FRMD6: variants seen among roughly 807,000 people sequenced by gnomAD.
FRMD6 encodes the protein FERM domain-containing protein 6.
Under a neutral mutation model 73.2 loss-of-function variants are expected in FRMD6, and 37 were observed. The observed-to-expected ratio is 0.51, with a 90% CI of 0.39 to 0.66. The LOEUF (loss-of-function observed/expected upper bound fraction) is 0.66, where lower values mean the gene tolerates loss of function less well. Among genes scored for constraint, FRMD6 ranks in the 30% least tolerant of loss-of-function variants. The probability of loss-of-function intolerance (pLI) is 0.00; values close to 1 mark genes in which losing one functional copy is unlikely to be tolerated. For missense variants in FRMD6, 714 were observed against 780.5 expected (o/e 0.91, Z 1.02); for synonymous variants, 273 against 282.2 (o/e 0.97, Z 0.33).
the FRMD6 span, among the ~76,000 whole-genome samples, chr14:51,423,057 G>A: frequency 3.3e-5 from 5 of 152,170 alleles, no homozygotes; most frequent in African/African-American, 4.8e-5. Context: ...TAAGTGGTAC[G>A]GCAAGCTGAC....
chr14:51,652,348 G>T (rs1259183525), intron 1 of FRMD6: 1 of 152,948 alleles, frequency 6.5e-6, no homozygotes, highest in South Asian at 2.1e-4. Context: ...GCGGGAGGCT[G>T]GTCCTGGCTG....
At chr14:51,552,604 T>C (rs1460666525) in intron 1 of FRMD6, among the ~76,000 whole-genome samples, 6 of 152,216 alleles carry the variant, frequency 3.9e-5, no homozygotes, top group Non-Finnish European at 7.3e-5. Flanking sequence ...TGAACTTTCA[T>C]GTGGCAAGGT....
chr14:51,665,145 G>A (rs1893487387), intron 1 of FRMD6, among the ~76,000 whole-genome samples: 1 of 152,150 alleles, frequency 6.6e-6, no homozygotes, highest in South Asian at 2.1e-4. Context: ...TTTAAAAATA[G>A]AGAAATTTTA....
chr14:51,514,980 C>A (rs1884538748), intron 1 of FRMD6, among the ~76,000 whole-genome samples: 1 of 152,182 alleles, frequency 6.6e-6, no homozygotes, highest in Admixed American at 6.5e-5. Context: ...CTTTCATCAA[C>A]CAGTAGGAGA....
intron 1 of FRMD6, among the ~76,000 whole-genome samples, chr14:51,550,587 C>CACA (rs1491079768): frequency 1.7e-4 from 25 of 147,826 alleles, no homozygotes; most frequent in African/African-American, 5.9e-4. Flanking sequence ...GAGACCCCCC[C>CACA]GCCATGCTTA....
intron 2 of FRMD6, among the ~76,000 whole-genome samples, chr14:51,618,323 A>T (rs1012336116): frequency 2.0e-5 from 3 of 152,190 alleles, no homozygotes; most frequent in Non-Finnish European, 4.4e-5. Context: ...ATCCAAGGCA[A>T]CTAGAGTGTA....
chr14:51,449,230 A>G, the FRMD6 span, among the ~76,000 whole-genome samples: 1 of 152,172 alleles, frequency 6.6e-6, no homozygotes, highest in Non-Finnish European at 1.5e-5. Flanking sequence ...CAAGAGGGAA[A>G]GGGATAGTGG....
intron 1 of FRMD6, among the ~76,000 whole-genome samples, chr14:51,685,219 A>G (rs1023024592): frequency 6.6e-5 from 10 of 152,214 alleles, no homozygotes; most frequent in African/African-American, 2.2e-4. Flanking sequence ...TGCCTGGGAT[A>G]GATGGATGGA....
intron 2 of FRMD6, among the ~76,000 whole-genome samples, chr14:51,645,501 C>A (rs188810311): frequency 1.3e-5 from 2 of 152,182 alleles, no homozygotes; most frequent in African/African-American, 2.4e-5. Flanking sequence ...ATGATCACAG[C>A]TCACTCCAGC....
chr14:51,645,593 C>T (rs928880459), intron 2 of FRMD6, among the ~76,000 whole-genome samples: 5 of 152,018 alleles, frequency 3.3e-5, no homozygotes, highest in Admixed American at 6.6e-5. Flanking sequence ...CAAGCCACTC[C>T]GCCCAGCTAA....
the FRMD6 span, among the ~76,000 whole-genome samples, chr14:51,402,715 TGC>T: frequency 6.6e-6 from 1 of 151,152 alleles, no homozygotes; most frequent in Non-Finnish European, 1.5e-5. Context: ...CTCGGCTCAC[TGC>T]AAGCTCTGCC....
At chr14:51,516,793 A>G (rs1884660361) in intron 1 of FRMD6, among the ~76,000 whole-genome samples, 1 of 152,194 alleles carries the variant, frequency 6.6e-6, no homozygotes. Flanking sequence ...AAACAAAGTA[A>G]CCCATTATGC....
chr14:51,494,075 A>G (rs547585202), intron 1 of FRMD6, among the ~76,000 whole-genome samples: 12 of 152,152 alleles, frequency 7.9e-5, no homozygotes, highest in African/African-American at 1.4e-4. Flanking sequence ...ATTTCAACCT[A>G]TGAATTCTTG....
At chr14:51,455,621 T>A in the FRMD6 span, among the ~76,000 whole-genome samples, 1 of 152,196 alleles carries the variant, frequency 6.6e-6, no homozygotes, top group Non-Finnish European at 1.5e-5. Flanking sequence ...TCGCTTAACT[T>A]CTTTTGGTAG....
chr14:51,625,042 A>C (rs17589338), intron 2 of FRMD6, among the ~76,000 whole-genome samples: 19,050 of 152,186 alleles, frequency 0.13, 1,535 homozygotes, highest in Non-Finnish European at 0.18. Flanking sequence ...CACAGTTAAC[A>C]CTCTGTTTCC....
chr14:51,725,741 G>C (rs745451032), intron 12 of FRMD6, 38 bp from the exon 13 acceptor site: 10 of 1,368,162 alleles, frequency 7.3e-6, no homozygotes, highest in Middle Eastern at 1.8e-4. Context: ...TGAATAATTT[G>C]AAGTATTTAT....
Position 51,683,697 on chromosome 14 carries a change from A to G in FRMD6, c.-146-5994A>G, listed in dbSNP as rs371970545. On this transcript the variant is annotated intron_variant, in intron 1 of 13. Transcript: ENST00000344768. ...CCAATAATCTTAGGCGGCCAATACT[A>G]CAGATGTTACAGATGAAGAATCAGA... is the stretch of plus-strand genomic sequence containing the variant. Among the ~76,000 whole-genome samples the G allele has an allele frequency of 5.9e-5, 9 of 152,306 alleles. No homozygotes were observed. In the East Asian group the frequency reaches 1.3e-3, roughly 23 times the overall value.
the FRMD6 span, among the ~76,000 whole-genome samples, chr14:51,467,119 C>T: frequency 6.6e-6 from 1 of 152,300 alleles, no homozygotes. Context: ...CTGCCGCCTT[C>T]CGCAGTGTTT....
chr14:51,712,636 A>C, intron 9 of FRMD6, 85 bp downstream of exon 9: 3 of 853,504 alleles, frequency 3.5e-6, no homozygotes, highest in Non-Finnish European at 5.8e-6. Flanking sequence ...TTTTGTTTTT[A>C]AACAATATTG....
Sources: allele counts gnomAD v4.1 joint callset (sites outside exome capture counted in the v4.1 genomes callset), GRCh38; gene constraint gnomAD v4.1.1; transcripts MANE v1.5; gene names NCBI Gene and HGNC (gene_info 2026-07-23, HGNC 2026-07-21).